The following IQGAP2 variants were observed in gnomAD, a reference collection of about 807,000 sequenced individuals.
The protein encoded by IQGAP2 is IQ motif containing GTPase activating protein 2, also known as ras GTPase-activating-like protein IQGAP2.
IQGAP2 carries 173 observed loss-of-function variants against 201.3 expected under a neutral mutation model. The observed-to-expected ratio is 0.86, with a 90% CI of 0.76 to 0.98. The LOEUF (loss-of-function observed/expected upper bound fraction) is 0.98. IQGAP2 is among the 50% of genes least tolerant of loss of function. The pLI, the probability that IQGAP2 is intolerant of heterozygous loss-of-function variation, is 0.00. For missense variants in IQGAP2, 1,687 were observed against 1,864.8 expected, an observed-to-expected ratio of 0.90 and a Z score of 1.76; for synonymous variants, 675 against 673.9, an observed-to-expected ratio of 1.00 and a Z score of -0.03.
intron 12 of IQGAP2, chr5:76,606,699 T>C (rs1252608997): frequency 6.5e-6 from 1 of 152,868 alleles, no homozygotes; most frequent in Admixed American, 6.5e-5. Flanking sequence ...AATGGAGGAA[T>C]TGGAACACGA....
At chr5:76,583,870 GA>G (rs199826746) in intron 5 of IQGAP2, among the ~76,000 whole-genome samples, 15 of 142,466 alleles carry the variant, frequency 1.1e-4, no homozygotes, top group Admixed American at 6.2e-4. Flanking sequence ...GCATGGTAGA[GA>G]AAATTTTTTT....
At chr5:76,422,605 A>G (rs995659846) in intron 1 of IQGAP2, among the ~76,000 whole-genome samples, 10 of 152,216 alleles carry the variant, frequency 6.6e-5, no homozygotes, top group Admixed American at 3.9e-4. Flanking sequence ...TGAAACGCAG[A>G]CAATCCTACT....
intron 21 of IQGAP2, among the ~76,000 whole-genome samples, chr5:76,663,482 G>T (rs1039749727): frequency 6.7e-5 from 10 of 149,514 alleles, no homozygotes; most frequent in Non-Finnish European, 1.5e-4. Context: ...AATATGAGTC[G>T]CATGCCATTA....
Position 76,590,448 on chromosome 5 carries a change from A to G in IQGAP2, c.681A>G (p.Lys227=). 1.9e-6 allele frequency: 3 copies of G among 1,609,026 alleles called. No individual in the cohort carries two copies. The highest frequency in any genetic ancestry group is 2.5e-6 in the Non-Finnish European group (3 of 1,177,720). Residue 227 remains lysine, a synonymous_variant, in exon 8 of 36, where the codon AAA becomes AAG. Coordinates refer to ENST00000274364, the MANE Select transcript of IQGAP2 (RefSeq NM_006633.5). ...TAGCCATTAATGAAGCAGTTGAAAA[A>G]GGAATAGCAGAGCAAACCGTTGTAA... ...AVIAINEAVE[K]GIAEQTVVTL...
At position 76,673,968 on chromosome 5, in the gene IQGAP2, A is replaced by C. The variant is rs746982087; in HGVS notation, c.3226A>C (p.Ile1076Leu). The C allele has an allele frequency of 1.3e-6, 2 of 1,594,412 alleles. No individual in the cohort carries two copies. The highest frequency in any genetic ancestry group is 1.7e-6 in the Non-Finnish European group (2 of 1,162,320). The stretch of plus-strand genomic sequence containing the variant: ...TATATGTAGTTATGGATTGAGGTAT[A>C]TAGCCAAAGTACTGAAGAATTCGAT... ...LDLLPYGLRY[I>L]AKVLKNSIHE... The change falls in exon 26 of 36, where the codon ATA becomes CTA. Residue 1076 changes from isoleucine to leucine, a missense_variant. Physicochemically the swap from Ile to Leu is conservative, Grantham distance 5. Transcript: ENST00000274364.
chr5:76,403,776 C>G lies in IQGAP2; in HGVS notation c.46+185C>G, dbSNP rs1750644244. Among the ~76,000 whole-genome samples the G allele has an allele frequency of 6.6e-6, 1 of 151,878 alleles. No individual in the cohort carries two copies. Among genetic ancestry groups the G allele is most frequent in the Non-Finnish European group, 1.5e-5 (1 of 67,952 alleles). On this transcript the variant is annotated intron_variant, in intron 1 of 35. Transcript: ENST00000274364. This position sits in a 1 kb window ranked among gnomAD's most constrained non-coding sequence, Gnocchi z 4.8. ...AGTGAATCGCGTCCCCCCGCTCCTC[C>G]CGCCCCCCAATTCCTAATATCCAGC...
Position 76,431,016 on chromosome 5 carries a change from A to G in IQGAP2, c.46+27425A>G, listed in dbSNP as rs867797164. Among the ~76,000 whole-genome samples the G allele has an allele frequency of 2.0e-5, 3 of 152,318 alleles. 1 individual carries two copies. In the South Asian group the frequency reaches 6.2e-4, roughly 32 times the overall value. On this transcript the variant is annotated intron_variant, in intron 1 of 35. Transcript: ENST00000274364. ...GAATATGTCCAAGATCTGTTAAGTG[A>G]AAAGATTGTTTACAGAAAAACATGT... is the stretch of plus-strand genomic sequence containing the variant.
At chr5:76,436,837 G>A (rs1458981546) in intron 1 of IQGAP2, among the ~76,000 whole-genome samples, 1 of 150,950 alleles carries the variant, frequency 6.6e-6, no homozygotes, top group African/African-American at 2.4e-5. Context: ...CAATCGTATG[G>A]TTTTGTATTT....
At chr5:76,480,339 G>A (rs1036037380) in intron 2 of IQGAP2, among the ~76,000 whole-genome samples, 11 of 152,052 alleles carry the variant, frequency 7.2e-5, no homozygotes, top group African/African-American at 2.2e-4. Context: ...CTTCTTTCTC[G>A]CAGCCATACT....
At chr5:76,700,208 G>C (rs1747241324) in intron 33 of IQGAP2, among the ~76,000 whole-genome samples, 1 of 152,136 alleles carries the variant, frequency 6.6e-6, no homozygotes, top group African/African-American at 2.4e-5. Context: ...TTGGATTTGG[G>C]TTCTGATTCT....
chr5:76,486,730 C>T (rs1231445517), intron 2 of IQGAP2, among the ~76,000 whole-genome samples: 1 of 152,142 alleles, frequency 6.6e-6, no homozygotes, highest in Admixed American at 6.5e-5. Flanking sequence ...GATTGTATAT[C>T]TAAATATCAT....
rs778080152 is a variant in IQGAP2, at chr5:76,597,454, A to G, written c.923A>G (p.Asp308Gly). ...INKVNRQAAV[D>G]HINAVIPEGD... The stretch of plus-strand genomic sequence containing the variant: ...CCATCCTCAGGGCAGGCTGCAGTGG[A>G]CCATATCAATGCTGTCATTCCGGAA... The change falls in exon 10 of 36, where the codon GAC becomes GGC. Residue 308 changes from aspartate to glycine, a missense_variant. By Grantham distance (94) the Asp-to-Gly change is moderately conservative. Transcript: ENST00000274364. The G allele has an allele frequency of 6.2e-7, 1 of 1,613,992 alleles. No individual in the cohort carries two copies. Among genetic ancestry groups the G allele is most frequent in the Non-Finnish European group, 8.5e-7 (1 of 1,179,946 alleles).
At chr5:76,660,302 G>T (rs976420859) in intron 21 of IQGAP2, 2 of 152,092 alleles carry the variant, frequency 1.3e-5, no homozygotes, top group African/African-American at 4.8e-5. Context: ...AAATATTCAG[G>T]AATAAAACTA....
In IQGAP2 at chr5:76,655,057, ACATATTGGTC is replaced by A; in HGVS notation, c.2320+65_2320+74del. ...AGGATTTTTTATAAACCAGGCAAGGACATATTGGTCCATATTGGTCACTTCAGAGGCTGCT... is the reference window on the plus strand; with the variant it reads ...AGGATTTTTTATAAACCAGGCAAGGACATATTGGTCACTTCAGAGGCTGCT... On this transcript the variant is annotated intron_variant, in intron 20 of 35. Transcript: ENST00000274364. The A allele has an allele frequency of 8.5e-6, 11 of 1,299,012 alleles. No homozygotes were observed. The South Asian group carries it at 1.2e-4, about 14-fold the overall frequency. 80.5% of individuals were successfully genotyped at this position (1,299,012 alleles called of 1,614,324 possible).
intron 2 of IQGAP2, among the ~76,000 whole-genome samples, chr5:76,498,180 C>T (rs920843508): frequency 5.3e-5 from 8 of 152,186 alleles, no homozygotes; most frequent in South Asian, 2.1e-4. Flanking sequence ...AAATTTAGAA[C>T]GGAGAGATGC....
intron 2 of IQGAP2, among the ~76,000 whole-genome samples, chr5:76,552,009 A>G (rs1422068019): frequency 6.6e-6 from 1 of 152,036 alleles, no homozygotes; most frequent in Non-Finnish European, 1.5e-5. Flanking sequence ...AGACAGAGAG[A>G]GCCTCACCCT....
chr5:76,579,365 A>G lies in IQGAP2; in HGVS notation c.458+3596A>G, dbSNP rs147894534. Among the ~76,000 whole-genome samples the G allele has an allele frequency of 1.9e-4, 29 of 151,966 alleles. No homozygotes were observed. The East Asian group carries it at 5.0e-3, about 26-fold the overall frequency. ...GGATGGATCACTTGTGAGTCAGAAC[A>G]TGGCGCAACTTTGGGTTCTTCTCCC... On this transcript the variant is annotated intron_variant, in intron 5 of 35. Coordinates refer to ENST00000274364, the MANE Select transcript of IQGAP2 (RefSeq NM_006633.5).
In IQGAP2 at chr5:76,548,774, GC is replaced by G. The variant is rs141038635; in HGVS notation, c.147-13620del. On this transcript the variant is annotated intron_variant, in intron 2 of 35. Coordinates refer to ENST00000274364, the MANE Select transcript of IQGAP2 (RefSeq NM_006633.5). ...AAGTAAATGTGAGCTGCAATTGTTTGCCATTGGCATTATCAGTAGAGTGGGA... is the reference window on the plus strand; with the variant it reads ...AAGTAAATGTGAGCTGCAATTGTTTGCATTGGCATTATCAGTAGAGTGGGA... Among the ~76,000 whole-genome samples the G allele has an allele frequency of 7.7e-3, 1,167 of 152,304 alleles. 16 individuals carry two copies. Among genetic ancestry groups the G allele is most frequent in the African/African-American group, 0.026 (1,098 of 41,558 alleles).
intron 1 of IQGAP2, among the ~76,000 whole-genome samples, chr5:76,455,471 AAAAAG>A (rs1754024359): frequency 1.3e-5 from 2 of 151,674 alleles, no homozygotes; most frequent in Admixed American, 1.3e-4. Context: ...AAAAAAAAAA[AAAAAG>A]AGAACAAACA....
Sources: gnomAD v4.1 joint callset for allele counts (sites outside exome capture counted in the v4.1 genomes callset) on GRCh38, gnomAD v4.1.1 for gene constraint, Gnocchi (gnomAD v3.1) non-coding constraint, MANE v1.5 for transcripts, NCBI Gene and HGNC (gene_info 2026-07-23, HGNC 2026-07-21) for gene names.